Variants in FOXN3 observed in about 807,000 individuals in gnomAD.
FOXN3 encodes the protein forkhead box protein N3.
In FOXN3, 7 loss-of-function variants were observed where a neutral mutation model predicts 38.4. The observed-to-expected ratio is 0.18, with a 90% CI of 0.10 to 0.34. FOXN3 has a LOEUF of 0.34. Ranked by LOEUF, FOXN3 falls within the 10% of genes least tolerant of loss-of-function variation. The pLI is 1.00. For missense variants in FOXN3, 456 were observed against 613.4 expected (o/e 0.74, Z 2.71); for synonymous variants, 230 against 242.2 (o/e 0.95, Z 0.47).
intron 1 of FOXN3, among the ~76,000 whole-genome samples, chr14:89,536,218 T>C (rs1894682748): frequency 6.6e-6 from 1 of 152,178 alleles, no homozygotes; most frequent in African/African-American, 2.4e-5. Context: ...AGGCCTGGTT[T>C]CAAATCCTGG....
At chr14:89,425,349 A>G (rs941304105) in intron 1 of FOXN3, among the ~76,000 whole-genome samples, 1 of 151,414 alleles carries the variant, frequency 6.6e-6, no homozygotes, top group African/African-American at 2.4e-5. Flanking sequence ...GATTACAGGC[A>G]TGAGCCACTG....
At chr14:89,201,711 T>C (rs1473031792) in intron 4 of FOXN3, among the ~76,000 whole-genome samples, 2 of 152,124 alleles carry the variant, frequency 1.3e-5, no homozygotes, top group African/African-American at 4.8e-5. Context: ...TTTTTCCCCC[T>C]CTCTATGCTA....
intron 1 of FOXN3, among the ~76,000 whole-genome samples, chr14:89,556,163 G>T (rs917547612): frequency 1.3e-5 from 2 of 150,590 alleles, no homozygotes; most frequent in African/African-American, 5.0e-5. Context: ...CAGCACTTTG[G>T]GAGGCTGGGG....
chr14:89,489,985 G>C (rs1243913407), intron 1 of FOXN3, among the ~76,000 whole-genome samples: 2 of 152,208 alleles, frequency 1.3e-5, no homozygotes, highest in Non-Finnish European at 2.9e-5. Flanking sequence ...TACAACTGCA[G>C]GCAGGAGTAA....
chr14:89,347,382 T>C (rs1260371484), intron 3 of FOXN3, among the ~76,000 whole-genome samples: 7 of 152,058 alleles, frequency 4.6e-5, no homozygotes, highest in African/African-American at 7.2e-5. Context: ...GCCAAAAGCA[T>C]TCCAGCAAAA....
chr14:89,527,606 T>C (rs1287333), intron 1 of FOXN3, among the ~76,000 whole-genome samples: 59,086 of 151,672 alleles, frequency 0.39, 11,924 homozygotes, highest in East Asian at 0.6. Flanking sequence ...TAATGGCAAA[T>C]AAGAACATGA....
intron 4 of FOXN3, among the ~76,000 whole-genome samples, chr14:89,253,972 C>G (rs1209955495): frequency 6.6e-6 from 1 of 152,194 alleles, no homozygotes; most frequent in African/African-American, 2.4e-5. Flanking sequence ...AGCACGATCC[C>G]TGGCCTGTAT....
chr14:89,222,889 C>G (rs566708154), intron 4 of FOXN3, among the ~76,000 whole-genome samples: 3 of 152,288 alleles, frequency 2.0e-5, no homozygotes, highest in African/African-American at 4.8e-5. Context: ...ACTATGGAAT[C>G]TGCCTTTAGT....
chr14:89,182,900 G>A (rs1887709988), intron 4 of FOXN3, among the ~76,000 whole-genome samples: 1 of 152,090 alleles, frequency 6.6e-6, no homozygotes, highest in Admixed American at 6.5e-5. Context: ...AACAACCAGA[G>A]ATCCATTTGG....
At chr14:89,202,656 T>A (rs1009646351) in intron 4 of FOXN3, among the ~76,000 whole-genome samples, 7 of 152,194 alleles carry the variant, frequency 4.6e-5, no homozygotes, top group Non-Finnish European at 1.0e-4. Flanking sequence ...TTGCTCTATG[T>A]GTTCCCGTGA....
chr14:89,466,268 C>A (rs1013057017), intron 1 of FOXN3, among the ~76,000 whole-genome samples: 2 of 152,174 alleles, frequency 1.3e-5, no homozygotes, highest in Non-Finnish European at 2.9e-5. Context: ...CCGCTTAAGG[C>A]AAACTGAGAT....
At chr14:89,241,486 G>A (rs761841197) in intron 4 of FOXN3, among the ~76,000 whole-genome samples, 8 of 152,150 alleles carry the variant, frequency 5.3e-5, no homozygotes, top group Admixed American at 1.3e-4. Flanking sequence ...CAGCATCAGT[G>A]ACCCAGCTTC....
At chr14:89,357,178 C>G (rs1170831893) in intron 2 of FOXN3, among the ~76,000 whole-genome samples, 15 of 152,082 alleles carry the variant, frequency 9.9e-5, no homozygotes, top group Non-Finnish European at 2.2e-4. Context: ...CAGTGAGACC[C>G]CATGTCTACA....
chr14:89,394,073 G>A (rs1484463948), intron 2 of FOXN3, among the ~76,000 whole-genome samples: 1 of 151,956 alleles, frequency 6.6e-6, no homozygotes, highest in Non-Finnish European at 1.5e-5. Flanking sequence ...GAGAGAAAGG[G>A]GGCCAAAACT....
At position 89,484,716 on chromosome 14, in the gene FOXN3, C is replaced by T. The variant is rs1189932090; in HGVS notation, c.-14-72226G>A. Among the ~76,000 whole-genome samples, 2 of 152,146 alleles carry T rather than the reference C, an allele frequency of 1.3e-5. No homozygotes were observed. The highest frequency in any genetic ancestry group is 4.8e-5 in the African/African-American group (2 of 41,426). On this transcript the variant is annotated intron_variant, in intron 1 of 6. Transcript: ENST00000345097. This position sits in a 1 kb window ranked among gnomAD's most constrained non-coding sequence, Gnocchi z 4.0. ...TCCGCTTCCTGGTGGCTGGTGATCC[C>T]AGGCTATGATTCCAGAAGGCCCAAG...
chr14:89,520,657 A>C (rs2139820754), intron 1 of FOXN3, among the ~76,000 whole-genome samples: 1 of 152,316 alleles, frequency 6.6e-6, no homozygotes, highest in South Asian at 2.1e-4. Flanking sequence ...TAGTTTCCTA[A>C]AGATAACCGC....
intron 1 of FOXN3, among the ~76,000 whole-genome samples, chr14:89,539,058 G>C (rs1041461043): frequency 2.3e-4 from 35 of 152,102 alleles, no homozygotes; most frequent in Non-Finnish European, 3.8e-4. Flanking sequence ...TGGCCAGGCT[G>C]GTCTCGAACT....
chr14:89,461,383 T>C (rs1892846161), intron 1 of FOXN3, among the ~76,000 whole-genome samples: 2 of 151,630 alleles, frequency 1.3e-5, no homozygotes, highest in South Asian at 4.2e-4. Context: ...TGTCTTCACC[T>C]ACCAGAATGT....
intron 4 of FOXN3, among the ~76,000 whole-genome samples, chr14:89,267,221 C>A (rs968378618): frequency 6.6e-6 from 1 of 152,172 alleles, no homozygotes; most frequent in Admixed American, 6.5e-5. Flanking sequence ...GTAGACGGTA[C>A]AATTTAAATC....
Sources: allele counts gnomAD v4.1 joint callset (sites outside exome capture counted in the v4.1 genomes callset), GRCh38; gene constraint gnomAD v4.1.1; non-coding constraint Gnocchi (gnomAD v3.1); transcripts MANE v1.5; gene names NCBI Gene and HGNC (gene_info 2026-07-23, HGNC 2026-07-21).